The following KCNIP4 variants were observed in gnomAD, a reference collection of about 807,000 sequenced individuals.
KCNIP4 encodes potassium voltage-gated channel interacting protein 4, also known as Kv channel-interacting protein 4.
In KCNIP4, 12 loss-of-function variants were observed where a neutral mutation model predicts 34.0. That is an observed-to-expected ratio of 0.35 (90% CI 0.23 to 0.57). The LOEUF is 0.57. KCNIP4 is among the 20% of genes least tolerant of loss of function. The pLI is 0.83. For synonymous variants in KCNIP4, 124 were observed against 102.2 expected, an observed-to-expected ratio of 1.21 and a Z score of -1.29; for missense variants, 238 against 311.7, an observed-to-expected ratio of 0.76 and a Z score of 1.78.
At chr4:21,332,327 C>T (rs1490667686) in intron 1 of KCNIP4, among the ~76,000 whole-genome samples, 1 of 151,734 alleles carries the variant, frequency 6.6e-6, no homozygotes, top group Non-Finnish European at 1.5e-5. Context: ...TGAAACATCC[C>T]CAACAATTTG....
intron 1 of KCNIP4, among the ~76,000 whole-genome samples, chr4:20,986,705 C>T (rs1417925105): frequency 6.6e-6 from 1 of 152,120 alleles, no homozygotes; most frequent in Non-Finnish European, 1.5e-5. Context: ...GCCAATTGAT[C>T]TCTTAGTTTA....
chr4:21,079,479 T>C (rs994047107), intron 1 of KCNIP4, among the ~76,000 whole-genome samples: 12 of 149,986 alleles, frequency 8.0e-5, no homozygotes, highest in Non-Finnish European at 1.5e-4. Flanking sequence ...TCCTACACTT[T>C]TTACAAACTG....
chr4:21,233,336 C>A (rs1477729427), intron 1 of KCNIP4, among the ~76,000 whole-genome samples: 5 of 152,050 alleles, frequency 3.3e-5, no homozygotes. Context: ...CACCTGAACA[C>A]AAACGATGTC....
chr4:20,796,863 A>G (rs1713542505), intron 3 of KCNIP4, among the ~76,000 whole-genome samples: 1 of 152,228 alleles, frequency 6.6e-6, no homozygotes, highest in African/African-American at 2.4e-5. Flanking sequence ...TAGCTGTTAT[A>G]ATATCCGTGT....
At chr4:21,405,228 TC>T (rs1485740074) in intron 1 of KCNIP4, among the ~76,000 whole-genome samples, 1 of 152,066 alleles carries the variant, frequency 6.6e-6, no homozygotes, top group Non-Finnish European at 1.5e-5. Context: ...TAAATCTAAA[TC>T]CCCACTTTCT....
At chr4:21,023,187 T>C (rs1560654320) in intron 1 of KCNIP4, among the ~76,000 whole-genome samples, 1 of 152,126 alleles carries the variant, frequency 6.6e-6, no homozygotes, top group African/African-American at 2.4e-5. Context: ...CATTAACTAG[T>C]AGTCATTATA....
chr4:21,645,262 C>A (rs10011123), intron 1 of KCNIP4, among the ~76,000 whole-genome samples: 44,201 of 151,966 alleles, frequency 0.29, 8,084 homozygotes, highest in East Asian at 0.9. Flanking sequence ...ATGATACAGA[C>A]AGGTTAAATA....
At chr4:21,732,700 T>C (rs1715697920) in intron 1 of KCNIP4, among the ~76,000 whole-genome samples, 1 of 152,106 alleles carries the variant, frequency 6.6e-6, no homozygotes, top group Non-Finnish European at 1.5e-5. Flanking sequence ...GCCTCAGCTA[T>C]GACTGCCTCA....
At chr4:20,839,169 T>C (rs773858563) in intron 3 of KCNIP4, among the ~76,000 whole-genome samples, 121 of 152,126 alleles carry the variant, frequency 8.0e-4, no homozygotes, top group Admixed American at 1.5e-3. Flanking sequence ...CTCTCAAATC[T>C]GTATGTGTGA....
intron 1 of KCNIP4, among the ~76,000 whole-genome samples, chr4:21,614,798 C>T (rs1744460790): frequency 6.6e-6 from 1 of 151,952 alleles, no homozygotes; most frequent in African/African-American, 2.4e-5. Context: ...GTCAGGAATC[C>T]GTTTTAGGAC....
chr4:21,430,545 T>C (rs1726349679), intron 1 of KCNIP4, among the ~76,000 whole-genome samples: 2 of 152,062 alleles, frequency 1.3e-5, no homozygotes, highest in Non-Finnish European at 2.9e-5. Flanking sequence ...GTTCTATGGG[T>C]GATGCTTCAA....
intron 2 of KCNIP4, among the ~76,000 whole-genome samples, chr4:20,873,009 T>C (rs1289481002): frequency 6.6e-6 from 1 of 152,212 alleles, no homozygotes; most frequent in Non-Finnish European, 1.5e-5. Flanking sequence ...ATTATCATTT[T>C]GGTGGAGTCA....
At chr4:20,984,999 C>G (rs994394433) in intron 1 of KCNIP4, among the ~76,000 whole-genome samples, 6 of 152,198 alleles carry the variant, frequency 3.9e-5, no homozygotes, top group Non-Finnish European at 8.8e-5. Context: ...CCAAACCACT[C>G]CAAACAGACC....
intron 1 of KCNIP4, among the ~76,000 whole-genome samples, chr4:21,053,691 A>C (rs1743137419): frequency 2.0e-5 from 3 of 152,198 alleles, no homozygotes; most frequent in African/African-American, 2.4e-5. Context: ...TAGTTTATAA[A>C]AGTCAATCAC....
intron 1 of KCNIP4, among the ~76,000 whole-genome samples, chr4:21,408,947 T>C (rs1385540067): frequency 6.6e-6 from 1 of 152,160 alleles, no homozygotes; most frequent in Non-Finnish European, 1.5e-5. Context: ...GGTTTCACTG[T>C]CAAAAATGGC....
intron 1 of KCNIP4, among the ~76,000 whole-genome samples, chr4:21,415,627 G>A (rs113919153): frequency 0.085 from 12,925 of 152,108 alleles, 592 homozygotes; most frequent in East Asian, 0.16. Flanking sequence ...ACTTGAATCC[G>A]GGAGACAGAG....
At chr4:21,946,971 T>A (rs1730544589) in intron 1 of KCNIP4, among the ~76,000 whole-genome samples, 1 of 152,082 alleles carries the variant, frequency 6.6e-6, no homozygotes, top group Admixed American at 6.5e-5. Context: ...GCTGATTCAA[T>A]CCCCATCCGG....
intron 1 of KCNIP4, among the ~76,000 whole-genome samples, chr4:21,798,586 G>GAAAGAAAGAAAGAAAGAAAGAAAGAA (rs34338129): frequency 2.4e-4 from 14 of 59,026 alleles, no homozygotes; most frequent in South Asian, 4.8e-4. Context: ...AAGAAAGAAA[G>GAAAGAAAGAAAGAAAGAAAGAAAGAA]AGAAAAAATG....
At chr4:21,019,032 TA>T (rs1311789320) in intron 1 of KCNIP4, among the ~76,000 whole-genome samples, 2 of 152,226 alleles carry the variant, frequency 1.3e-5, no homozygotes, top group Non-Finnish European at 2.9e-5. Context: ...CTGAGTTTAA[TA>T]AGTGTCCCCA....
Sources: gnomAD v4.1 joint callset for allele counts (sites outside exome capture counted in the v4.1 genomes callset) on GRCh38, gnomAD v4.1.1 for gene constraint, MANE v1.5 for transcripts, NCBI Gene and HGNC (gene_info 2026-07-23, HGNC 2026-07-21) for gene names.